Variants in HMCN1 observed in about 807,000 individuals in gnomAD.
The protein encoded by HMCN1 is hemicentin 1.
HMCN1 carries 321 observed loss-of-function variants against 625.9 expected under a neutral mutation model. The ratio of observed to expected loss-of-function variants is 0.51; its 90% CI spans 0.47 to 0.56. The LOEUF (loss-of-function observed/expected upper bound fraction) is 0.56, where lower values mean the gene tolerates loss of function less well. Among genes scored for constraint, HMCN1 ranks in the 20% least tolerant of loss-of-function variants. The pLI is 0.00. For synonymous variants in HMCN1, 2,425 were observed against 2,417.6 expected (o/e 1.00, Z -0.09); for missense variants, 6,588 against 6,887.3 (o/e 0.96, Z 1.54).
intron 80 of HMCN1, 45 bp from the exon 81 acceptor site, chr1:186,122,906 G>T: frequency 6.3e-7 from 1 of 1,597,716 alleles, no homozygotes; most frequent in African/African-American, 1.3e-5. Flanking sequence ...GCGCACTCAT[G>T]CTTCTAAGAT....
At chr1:186,087,674 A>G in intron 60 of HMCN1, 29 bp downstream of exon 60, 3 of 1,595,334 alleles carry the variant, frequency 1.9e-6, no homozygotes, top group Non-Finnish European at 2.6e-6. Flanking sequence ...TTTGAGTGTC[A>G]TGACACCTTG....
At chr1:186,183,631 C>A (rs1165272246) in intron 105 of HMCN1, among the ~76,000 whole-genome samples, 1 of 152,148 alleles carries the variant, frequency 6.6e-6, no homozygotes, top group East Asian at 1.9e-4. Context: ...AATTTGCACC[C>A]ATTCTAATGG....
intron 18 of HMCN1, 109 bp downstream of exon 18, chr1:185,982,498 T>C (rs1311084397): frequency 9.5e-7 from 1 of 1,048,996 alleles, no homozygotes; most frequent in Non-Finnish European, 1.4e-6. Context: ...TGGAGTGCAG[T>C]GGTGGGATCT....
At chr1:185,739,738 G>A (rs1653846708) in intron 1 of HMCN1, among the ~76,000 whole-genome samples, 1 of 152,124 alleles carries the variant, frequency 6.6e-6, no homozygotes, top group African/African-American at 2.4e-5. Context: ...GGGGTGGGGA[G>A]TGACACAGGC....
chr1:185,801,945 A>G (rs1658823592), intron 1 of HMCN1, among the ~76,000 whole-genome samples: 1 of 152,186 alleles, frequency 6.6e-6, no homozygotes, highest in South Asian at 2.1e-4. Flanking sequence ...TGTCCCAGAA[A>G]ACATACTTCA....
intron 1 of HMCN1, among the ~76,000 whole-genome samples, chr1:185,833,031 T>C (rs1660960260): frequency 6.6e-6 from 1 of 152,224 alleles, no homozygotes; most frequent in Non-Finnish European, 1.5e-5. Context: ...TCTGTCTTAA[T>C]AGCCTTCTTA....
At chr1:186,147,406 T>C (rs1200891792) in intron 93 of HMCN1, among the ~76,000 whole-genome samples, 11 of 141,720 alleles carry the variant, frequency 7.8e-5, no homozygotes, top group East Asian at 2.1e-4. Context: ...TTTTTTTTTT[T>C]CTCACCATTT....
chr1:186,008,830 A>T (rs910064419), intron 30 of HMCN1, among the ~76,000 whole-genome samples: 7 of 152,160 alleles, frequency 4.6e-5, no homozygotes, highest in Admixed American at 2.6e-4. Flanking sequence ...CTTAATGTAC[A>T]TATAGAATCT....
chr1:185,831,707 C>A lies in HMCN1; in HGVS notation c.269-14319C>A, dbSNP rs554939287. ...AATAGCTTTTATATATACAAAAATA[C>A]AACCATTCAGAACGTATAATAGAAG... On this transcript the variant is annotated intron_variant, in intron 1 of 106. Coordinates refer to ENST00000271588, the MANE Select transcript of HMCN1 (RefSeq NM_031935.3). Among the ~76,000 whole-genome samples, 70 of 152,060 alleles carry A rather than the reference C, an allele frequency of 4.6e-4. 1 individual carries two copies. The South Asian group carries it at 0.014, about 31-fold the overall frequency.
chr1:186,127,996 G>A (rs934665149), intron 82 of HMCN1, 82 bp from the exon 83 acceptor site: 40 of 1,157,214 alleles, frequency 3.5e-5, no homozygotes, highest in Non-Finnish European at 1.3e-5. Flanking sequence ...GTTTCTTGAG[G>A]GCCTAGCTAT....
At position 186,070,635 on chromosome 1, in the gene HMCN1, G is replaced by T. The variant is rs1265592216; in HGVS notation, c.8017G>T (p.Asp2673Tyr). The change falls in exon 52 of 107, where the codon GAC becomes TAC. Residue 2673 changes from aspartate to tyrosine, a missense_variant. Transcript: ENST00000271588. ...AGTTCCACCCATAATCAATAAAGGG[G>T]ACCTTTGGGGGCCAGGTCTTTCCCC... is the stretch of plus-strand genomic sequence containing the variant. The part of the protein sequence containing the change: ...VYIPPIINKG[D>Y]LWGPGLSPKE... 2 of 1,612,790 alleles carry T rather than the reference G, an allele frequency of 1.2e-6. No homozygotes were observed. The highest frequency in any genetic ancestry group is 1.7e-6 in the Non-Finnish European group (2 of 1,178,892).
chr1:185,832,657 T>C (rs1038437961), intron 1 of HMCN1, among the ~76,000 whole-genome samples: 1 of 152,132 alleles, frequency 6.6e-6, no homozygotes, highest in Non-Finnish European at 1.5e-5. Flanking sequence ...TCATAAACCA[T>C]AAATATACTT....
rs757821528 is a variant in HMCN1 at position 186,086,260 on chromosome 1, A to G, written c.8899A>G (p.Ile2967Val). 8 of 1,611,992 alleles carry G rather than the reference A, an allele frequency of 5.0e-6. No individual in the cohort carries two copies. The African/African-American group carries it at 9.4e-5, about 19-fold the overall frequency. Residue 2967 changes from isoleucine (I) to valine (V), a missense_variant, in exon 58 of 107, where the codon ATT (isoleucine) becomes GTT (valine). Physicochemically the swap from Ile to Val is conservative, Grantham distance 29. This residue lies in a region of HMCN1 where 4,628 missense variants were observed against 4,853.1 expected (regional missense o/e 0.95). Coordinates refer to ENST00000271588, the MANE Select transcript of HMCN1 (RefSeq NM_031935.3). ...TACTATTATAGTTCCTCCAAGTGTC[A>G]TTGGTCCTAAATCTGAAAATCTTAC... ...NLNVHVPPSV[I>V]GPKSENLTVV...
chr1:185,980,023 A>T (rs1325150277), intron 16 of HMCN1, among the ~76,000 whole-genome samples: 1 of 152,124 alleles, frequency 6.6e-6, no homozygotes, highest in Non-Finnish European at 1.5e-5. Flanking sequence ...CCCCATCCTC[A>T]TGGCTCCAAT....
intron 6 of HMCN1, among the ~76,000 whole-genome samples, chr1:185,919,432 T>C (rs1003922695): frequency 6.6e-6 from 1 of 152,170 alleles, no homozygotes; most frequent in African/African-American, 2.4e-5. Flanking sequence ...ACAAGAAATC[T>C]AGCAATAGCA....
intron 1 of HMCN1, among the ~76,000 whole-genome samples, chr1:185,758,947 T>C (rs1655307815): frequency 6.6e-6 from 1 of 152,178 alleles, no homozygotes; most frequent in South Asian, 2.1e-4. Context: ...GATTCAAACC[T>C]GGGTATGCCT....
chr1:186,144,114 T>G, intron 89 of HMCN1, 59 bp from the exon 90 acceptor site: 3 of 1,478,300 alleles, frequency 2.0e-6, no homozygotes, highest in Non-Finnish European at 2.7e-6. Flanking sequence ...ATTTATATAA[T>G]TTTGGTTTTA....
In HMCN1 at chr1:186,070,663, A is replaced by G. The variant is rs755267884; in HGVS notation, c.8045A>G (p.Lys2682Arg). Reference protein sequence around the residue: ...GDLWGPGLSPKEVKIKVNNTL... With the variant: ...GDLWGPGLSPREVKIKVNNTL... The stretch of plus-strand genomic sequence containing the variant: ...CTTTGGGGGCCAGGTCTTTCCCCTA[A>G]AGAAGTGAAGATCAAAGTAAACAAC... The change falls in exon 52 of 107, where the codon AAA (lysine) becomes AGA (arginine). Residue 2682 changes from lysine (K) to arginine (R), a missense_variant. By Grantham distance (26) the Lys-to-Arg change is conservative. Transcript: ENST00000271588. 6.2e-7 allele frequency: 1 copy of G among 1,613,612 alleles called. No individual in the cohort carries two copies. The highest frequency in any genetic ancestry group is 1.1e-5 in the South Asian group (1 of 91,072).
chr1:186,115,184 G>C, intron 74 of HMCN1, 74 bp from the exon 75 acceptor site: 1 of 1,568,490 alleles, frequency 6.4e-7, no homozygotes, highest in Non-Finnish European at 8.8e-7. Flanking sequence ...ACTAATTTCA[G>C]TTCAGCAGAA....
Sources: gnomAD v4.1 joint callset for allele counts (sites outside exome capture counted in the v4.1 genomes callset) on GRCh38, gnomAD v4.1.1 for gene constraint, gnomAD v4.1.1 regional missense constraint, MANE v1.5 for transcripts, NCBI Gene and HGNC (gene_info 2026-07-23, HGNC 2026-07-21) for gene names.